The following SLC5A9 variants were observed in gnomAD, a reference collection of about 807,000 sequenced individuals.
The protein encoded by SLC5A9 is sodium/glucose cotransporter 4.
In SLC5A9, 59 loss-of-function variants were observed where a neutral mutation model predicts 70.9. The ratio of observed to expected loss-of-function variants is 0.83; its 90% CI spans 0.68 to 1.03. The LOEUF (loss-of-function observed/expected upper bound fraction) is 1.03, where lower values mean the gene tolerates loss of function less well. Among genes scored for constraint, SLC5A9 ranks in the 50% least tolerant of loss-of-function variants. SLC5A9 has a pLI of 0.00. For synonymous variants in SLC5A9, 340 were observed against 346.5 expected, an observed-to-expected ratio of 0.98 and a Z score of 0.21; for missense variants, 832 against 881.1, an observed-to-expected ratio of 0.94 and a Z score of 0.71.
At chr1:48,224,016 G>T (rs1169108661) in intron 1 of SLC5A9, among the ~76,000 whole-genome samples, 5 of 152,238 alleles carry the variant, frequency 3.3e-5, no homozygotes, top group Admixed American at 3.3e-4. Flanking sequence ...CCTCGTGACT[G>T]ATTATTTTCC....
At chr1:48,244,909 T>TATA (rs1291048314) in intron 13 of SLC5A9, among the ~76,000 whole-genome samples, 1 of 114,548 alleles carries the variant, frequency 8.7e-6, no homozygotes, top group African/African-American at 3.2e-5. Context: ...TATATATATA[T>TATA]AAAACCTCTG....
chr1:48,239,597 G>A lies in SLC5A9; in HGVS notation c.1677+60G>A. On this transcript the variant is annotated intron_variant, in intron 12 of 13. Transcript: ENST00000438567. The surrounding 1 kb of genome is among the most constrained non-coding windows in gnomAD (Gnocchi z 4.2). Reference sequence around the variant, plus strand: ...ATGCTCTCCCTTCCCCCATAGCCTAGAATTCCACTGCTGACTTTTACTCTG... The same window carrying A: ...ATGCTCTCCCTTCCCCCATAGCCTAAAATTCCACTGCTGACTTTTACTCTG... The A allele has an allele frequency of 6.7e-7, 1 of 1,484,736 alleles. No individual in the cohort carries two copies. The highest frequency in any genetic ancestry group is 9.4e-7 in the Non-Finnish European group (1 of 1,065,112). 92.0% of individuals were successfully genotyped at this position (1,484,736 alleles called of 1,614,324 possible).
intron 2 of SLC5A9, among the ~76,000 whole-genome samples, chr1:48,227,232 G>GCA (rs1382171893): frequency 6.8e-6 from 1 of 148,122 alleles, no homozygotes; most frequent in East Asian, 2.0e-4. Context: ...ATGTGTGAGT[G>GCA]TGTGTGTACT....
intron 2 of SLC5A9, among the ~76,000 whole-genome samples, chr1:48,225,089 G>T (rs1296968434): frequency 1.3e-5 from 2 of 152,148 alleles, no homozygotes; most frequent in African/African-American, 4.8e-5. Context: ...GAAGCTCAGA[G>T]CTGAGTGGGG....
At chr1:48,237,564 T>C in intron 10 of SLC5A9, 115 bp from the exon 11 acceptor site, 1 of 987,498 alleles carries the variant, frequency 1.0e-6, no homozygotes. Flanking sequence ...TTCTCTGATC[T>C]AGTGATTGTA....
Position 48,248,023 on chromosome 1 carries a change from C to G in SLC5A9, c.*480C>G. ...ATCTTTCTATTCTCACCAATAATCT[C>G]TTTGTTGCATGAATTTACCCAGGAG... On this transcript the variant is annotated 3_prime_UTR_variant, in exon 14 of 14. Transcript: ENST00000438567. 6.1e-6 allele frequency: 1 copy of G among 163,470 alleles called. No individual in the cohort carries two copies. 10.1% of individuals were successfully genotyped at this position (163,470 alleles called of 1,614,324 possible). A position where few individuals can be genotyped will look rare whatever the true frequency, so the allele number is the denominator to read the frequency against.
Position 48,231,606 on chromosome 1 carries a change from C to G in SLC5A9, c.672C>G (p.Ala224=). 6.2e-7 allele frequency: 1 copy of G among 1,614,152 alleles called. No homozygotes were observed. Among genetic ancestry groups the G allele is most frequent in the Non-Finnish European group, 8.5e-7 (1 of 1,180,014 alleles). The change falls in exon 6 of 14, where the codon GCC becomes GCG. Residue 224 remains alanine (A), a synonymous_variant. Transcript: ENST00000438567. ...AGACGGTGATCATGGTAGGGGGAGC[C>G]CTGGTCCTCATGTTTCTGGGTAAGG... ...ALQTVIMVGG[A]LVLMFLGFQD...
chr1:48,239,396 G>T lies in SLC5A9; in HGVS notation c.1536G>T (p.Ala512=). 1.2e-6 allele frequency: 2 copies of T among 1,614,148 alleles called. No individual in the cohort carries two copies. Among genetic ancestry groups the T allele is most frequent in the Non-Finnish European group, 1.7e-6 (2 of 1,180,022 alleles). ...TGATCCTGGAGTTCTCATACCCAGC[G>T]CCAGCCTGTGGGGAGGTGGACCGGA... is the stretch of plus-strand genomic sequence containing the variant. ...LRMILEFSYP[A]PACGEVDRRP... The change falls in exon 12 of 14, where the codon GCG becomes GCT. Residue 512 remains alanine (A), a synonymous_variant. Transcript: ENST00000438567. This position sits in a 1 kb window ranked among gnomAD's most constrained non-coding sequence, Gnocchi z 4.2.
rs56780309 is a variant in SLC5A9 at position 48,244,910 on chromosome 1, A to ATATATATATATATATATATAT, written c.1837+2294_1837+2295insTATATATATATATATATATAT. Among the ~76,000 whole-genome samples the ATATATATATATATATATATAT allele has an allele frequency of 3.1e-4, 34 of 110,622 alleles. 1 individual carries two copies. The highest frequency in any genetic ancestry group is 4.3e-4 in the African/African-American group (13 of 30,508). 72.6% of individuals were successfully genotyped at this position (110,622 alleles called of 152,430 possible). A position where few individuals can be genotyped will look rare whatever the true frequency, so the allele number is the denominator to read the frequency against. On this transcript the variant is annotated intron_variant, in intron 13 of 13. Transcript: ENST00000438567. The stretch of plus-strand genomic sequence containing the variant: ...TATATATATATATATATATATATAT[A>ATATATATATATATATATATAT]AAACCTCTGTCTCAGAAGGTTGCCA...
At position 48,235,743 on chromosome 1, in the gene SLC5A9, A is replaced by ATGAT. The variant is rs753879011; in HGVS notation, c.1159_1162dup (p.Ala388AspfsTer26). 1.9e-6 allele frequency: 3 copies of ATGAT among 1,614,002 alleles called. No homozygotes were observed. Among genetic ancestry groups the ATGAT allele is most frequent in the Non-Finnish European group, 2.5e-6 (3 of 1,180,004 alleles). ...TCTCTCCCCAGGTCTGCGGGGGCTG[A>ATGAT]TGATTGCCGTGATCATGGCCGCTCT... On this transcript the variant is annotated frameshift_variant, in exon 10 of 14. Coordinates refer to ENST00000438567, the MANE Select transcript of SLC5A9 (RefSeq NM_001011547.3). LOFTEE classifies it high-confidence loss of function.
chr1:48,247,329 C>T lies in SLC5A9; in HGVS notation c.1838-6C>T. 6.2e-7 allele frequency: 1 copy of T among 1,613,518 alleles called. No individual in the cohort carries two copies. The highest frequency in any genetic ancestry group is 1.1e-5 in the South Asian group (1 of 91,036). ...TCTCCTTTGTCTTCTGGCTTTGTCC[C>T]TCCAGCCCCAAGCAGGTCCTGGGGA... On this transcript the variant is annotated splice_region_variant and splice_polypyrimidine_tract_variant and intron_variant, in intron 13 of 13. Transcript: ENST00000438567.
At position 48,247,583 on chromosome 1, in the gene SLC5A9, G is replaced by C. The variant is rs1359428139; in HGVS notation, c.*40G>C. On this transcript the variant is annotated 3_prime_UTR_variant, in exon 14 of 14. Coordinates refer to ENST00000438567, the MANE Select transcript of SLC5A9 (RefSeq NM_001011547.3). The stretch of plus-strand genomic sequence containing the variant: ...CTTCAGTGTAGACAGATTAAACAAA[G>C]CCCAAGCCTGTCAGCCACAGAAACA... The C allele has an allele frequency of 6.3e-7, 1 of 1,593,766 alleles. No homozygotes were observed.
chr1:48,232,179 C>T, intron 7 of SLC5A9, 28 bp downstream of exon 7: 1 of 1,592,544 alleles, frequency 6.3e-7, no homozygotes, highest in East Asian at 2.2e-5. Flanking sequence ...CTTAGCCCAG[C>T]CTGCCAGGAA....
intron 12 of SLC5A9, chr1:48,242,047 G>A (rs559626537): frequency 5.0e-5 from 23 of 458,238 alleles, no homozygotes; most frequent in Non-Finnish European, 9.2e-5. Context: ...CAGTCTATCT[G>A]CTGCTTAAAG....
At chr1:48,240,631 C>T (rs1429143232) in intron 12 of SLC5A9, 1 of 152,274 alleles carries the variant, frequency 6.6e-6, no homozygotes, top group Non-Finnish European at 1.5e-5. Flanking sequence ...GAAATGGGCC[C>T]CTTTTCCTGC....
rs1644368836 is a variant in SLC5A9, at chr1:48,239,526, C to T, written c.1666C>T (p.Pro556Ser). Residue 556 changes from proline to serine, a missense_variant, in exon 12 of 14, where the codon CCT becomes TCT. By Grantham distance (74) the Pro-to-Ser change is moderately conservative. Transcript: ENST00000438567. The surrounding 1 kb of genome is among the most constrained non-coding windows in gnomAD (Gnocchi z 4.2). Reference protein sequence around the residue: ...VIVSLCTTPIPEEQLTRLTWW... With the variant: ...VIVSLCTTPISEEQLTRLTWW... Reference sequence around the variant, plus strand: ...TGTCAGCCTCTGTACAACTCCCATCCCTGAGGAACAGGCAAGTGTTGTGCT... The same window carrying T: ...TGTCAGCCTCTGTACAACTCCCATCTCTGAGGAACAGGCAAGTGTTGTGCT... 5 of 1,613,988 alleles carry T rather than the reference C, an allele frequency of 3.1e-6. No individual in the cohort carries two copies. Among genetic ancestry groups the T allele is most frequent in the Non-Finnish European group, 4.2e-6 (5 of 1,179,974 alleles).
At chr1:48,241,263 C>T (rs1444809270) in intron 12 of SLC5A9, 1 of 152,358 alleles carries the variant, frequency 6.6e-6, no homozygotes, top group East Asian at 1.9e-4. Context: ...AAGATTCAAA[C>T]CCCAAAATCC....
chr1:48,231,861 G>A (rs1644252549), intron 6 of SLC5A9, 85 bp from the exon 7 acceptor site: 1 of 1,585,798 alleles, frequency 6.3e-7, no homozygotes, highest in South Asian at 1.2e-5. Flanking sequence ...TCCAACCTGA[G>A]GGCCCACATG....
At chr1:48,231,346 TTGAC>T (rs1644244302) in intron 5 of SLC5A9, among the ~76,000 whole-genome samples, 195 bp from the exon 6 acceptor site, 1 of 152,140 alleles carries the variant, frequency 6.6e-6, no homozygotes, top group Non-Finnish European at 1.5e-5. Context: ...CCCAGCACCT[TTGAC>T]TGTGACCAGC....
Sources: gnomAD v4.1 joint callset for allele counts (sites outside exome capture counted in the v4.1 genomes callset) on GRCh38, gnomAD v4.1.1 for gene constraint, Gnocchi (gnomAD v3.1) non-coding constraint, MANE v1.5 for transcripts, NCBI Gene and HGNC (gene_info 2026-07-23, HGNC 2026-07-21) for gene names.